The following KCNH1 variants were observed in gnomAD, a reference collection of about 807,000 sequenced individuals.
KCNH1 encodes the protein potassium voltage-gated channel subfamily H member 1.
Under a neutral mutation model 69.2 loss-of-function variants are expected in KCNH1, and 27 were observed. The ratio of observed to expected loss-of-function variants is 0.39; its 90% CI spans 0.29 to 0.54. KCNH1 has a LOEUF of 0.54. KCNH1 is among the 20% of genes least tolerant of loss of function. The probability of loss-of-function intolerance (pLI) is 0.68; values close to 1 mark genes in which losing one functional copy is unlikely to be tolerated. For missense variants in KCNH1, 798 were observed against 1,261.6 expected, an observed-to-expected ratio of 0.63 and a Z score of 5.57; for synonymous variants, 456 against 487.7, an observed-to-expected ratio of 0.93 and a Z score of 0.86.
chr1:210,905,070 C>G (rs1687074670), intron 7 of KCNH1, among the ~76,000 whole-genome samples: 1 of 152,158 alleles, frequency 6.6e-6, no homozygotes, highest in African/African-American at 2.4e-5. Flanking sequence ...AAAGTAGCAG[C>G]ACGAGAGGAA....
At chr1:210,973,994 G>A (rs1037613970) in intron 6 of KCNH1, among the ~76,000 whole-genome samples, 1 of 151,986 alleles carries the variant, frequency 6.6e-6, no homozygotes, top group African/African-American at 2.4e-5. Flanking sequence ...CCAAAGGTTT[G>A]CAACAATTTT....
At chr1:211,093,527 T>A (rs1691092748) in intron 3 of KCNH1, among the ~76,000 whole-genome samples, 1 of 152,142 alleles carries the variant, frequency 6.6e-6, no homozygotes, top group African/African-American at 2.4e-5. Flanking sequence ...CTCAGGTGAT[T>A]CTCCTGCCTC....
At chr1:211,016,810 G>A (rs1689500229) in intron 6 of KCNH1, among the ~76,000 whole-genome samples, 2 of 147,330 alleles carry the variant, frequency 1.4e-5, no homozygotes, top group Non-Finnish European at 3.0e-5. Context: ...TTGGGAGGCT[G>A]AGGCAGGAGA....
At chr1:210,911,985 A>G (rs530970115) in intron 7 of KCNH1, among the ~76,000 whole-genome samples, 36 of 152,294 alleles carry the variant, frequency 2.4e-4, no homozygotes, top group African/African-American at 8.7e-4. Flanking sequence ...TCCCAAAATA[A>G]TCAACAAGGA....
intron 6 of KCNH1, among the ~76,000 whole-genome samples, chr1:210,936,977 A>T (rs536834544): frequency 8.9e-4 from 135 of 151,716 alleles, no homozygotes; most frequent in South Asian, 3.8e-3. Flanking sequence ...CCAGCTATCA[A>T]CTCTGCAGAT....
Position 210,963,954 on chromosome 1 carries a change from A to G in KCNH1, c.1033-43885T>C, listed in dbSNP as rs137870292. On this transcript the variant is annotated intron_variant, in intron 6 of 10. Coordinates refer to ENST00000271751, the MANE Select transcript of KCNH1 (RefSeq NM_172362.3). ...GAAATGTAGAGAACACCACAAAGATAATCCTTGAGAAGAGCAACTCCAAGA... is the reference window on the plus strand; with the variant it reads ...GAAATGTAGAGAACACCACAAAGATGATCCTTGAGAAGAGCAACTCCAAGA... 1.2e-4 allele frequency among the ~76,000 whole-genome samples: 19 copies of G among 152,280 alleles called. No individual in the cohort carries two copies. The East Asian group carries it at 3.7e-3, about 29-fold the overall frequency.
At chr1:210,913,370 T>C (rs924603753) in intron 7 of KCNH1, among the ~76,000 whole-genome samples, 2 of 152,182 alleles carry the variant, frequency 1.3e-5, no homozygotes, top group East Asian at 1.9e-4. Context: ...TCTTTTTTTT[T>C]TCTAATTACA....
chr1:210,957,014 G>A (rs182574861), intron 6 of KCNH1, among the ~76,000 whole-genome samples: 3 of 152,092 alleles, frequency 2.0e-5, no homozygotes, highest in South Asian at 2.1e-4. Flanking sequence ...TTAGGGTGTC[G>A]ATTTTAGATA....
chr1:210,702,070 T>C (rs1219479274), intron 10 of KCNH1, among the ~76,000 whole-genome samples: 1 of 152,224 alleles, frequency 6.6e-6, no homozygotes. Flanking sequence ...ATTTGTTTAT[T>C]AGCTTCTATA....
At chr1:210,905,069 G>C (rs943834510) in intron 7 of KCNH1, among the ~76,000 whole-genome samples, 4 of 152,216 alleles carry the variant, frequency 2.6e-5, no homozygotes, top group Admixed American at 6.5e-5. Context: ...CAAAGTAGCA[G>C]CACGAGAGGA....
intron 6 of KCNH1, among the ~76,000 whole-genome samples, chr1:210,993,003 T>C (rs1688962763): frequency 1.3e-5 from 2 of 152,164 alleles, no homozygotes; most frequent in South Asian, 4.1e-4. Flanking sequence ...AGGCAGGTCA[T>C]GCTCTCAGAA....
intron 3 of KCNH1, among the ~76,000 whole-genome samples, chr1:211,099,571 C>T (rs71638200): frequency 0.067 from 10,188 of 152,234 alleles, 431 homozygotes; most frequent in Middle Eastern, 0.12. Flanking sequence ...GCCCCATTTC[C>T]GTTCCCAGTG....
chr1:210,841,023 G>A (rs1219372047), intron 7 of KCNH1, among the ~76,000 whole-genome samples: 2 of 152,062 alleles, frequency 1.3e-5, no homozygotes, highest in Admixed American at 6.5e-5. Flanking sequence ...CAGAGATGGG[G>A]CAAAACAGAG....
intron 6 of KCNH1, among the ~76,000 whole-genome samples, chr1:210,979,391 T>A (rs772199306): frequency 9.2e-5 from 14 of 152,246 alleles, no homozygotes; most frequent in Non-Finnish European, 2.1e-4. Flanking sequence ...AGCTTTATAG[T>A]TGCTTTTTTA....
At chr1:210,958,968 C>T (rs1317122591) in intron 6 of KCNH1, among the ~76,000 whole-genome samples, 6 of 152,142 alleles carry the variant, frequency 3.9e-5, no homozygotes, top group Non-Finnish European at 7.3e-5. Flanking sequence ...CGAGGAGCTG[C>T]GATCCTTTGG....
intron 7 of KCNH1, among the ~76,000 whole-genome samples, chr1:210,912,577 A>AT (rs1216684155): frequency 3.3e-5 from 5 of 152,262 alleles, no homozygotes; most frequent in African/African-American, 1.2e-4. Context: ...GTTGAGTCCT[A>AT]TTAATGTGCT....
At chr1:211,092,424 T>G (rs1691069601) in intron 3 of KCNH1, among the ~76,000 whole-genome samples, 1 of 152,246 alleles carries the variant, frequency 6.6e-6, no homozygotes, top group Non-Finnish European at 1.5e-5. Flanking sequence ...AACGGAAATG[T>G]GTTCTCCTTA....
chr1:210,756,823 G>A (rs548320385), intron 10 of KCNH1, among the ~76,000 whole-genome samples: 107 of 152,294 alleles, frequency 7.0e-4, no homozygotes, highest in African/African-American at 2.5e-3. Context: ...AGTCTGAGAC[G>A]ATTCCCTTCT....
intron 10 of KCNH1, among the ~76,000 whole-genome samples, chr1:210,738,552 C>CTTTTTTTTTTTTTT (rs57669878): frequency 4.1e-5 from 2 of 49,150 alleles, no homozygotes; most frequent in African/African-American, 6.7e-5. Context: ...GGCTTTTTTG[C>CTTTTTTTTTTTTTT]TTTTTTTTTT....
Sources: gnomAD v4.1 joint callset for allele counts (sites outside exome capture counted in the v4.1 genomes callset) on GRCh38, gnomAD v4.1.1 for gene constraint, MANE v1.5 for transcripts, NCBI Gene and HGNC (gene_info 2026-07-23, HGNC 2026-07-21) for gene names.